Variants in DIP2C observed in about 807,000 individuals in gnomAD.
The protein encoded by DIP2C is DIP2 acetate--CoA ligase C (putative).
Under a neutral mutation model 192.4 loss-of-function variants are expected in DIP2C, and 33 were observed. That is an observed-to-expected ratio of 0.17 (90% CI 0.13 to 0.23). The LOEUF (loss-of-function observed/expected upper bound fraction) is 0.23. Ranked by LOEUF, DIP2C falls within the 10% of genes least tolerant of loss-of-function variation. The pLI, the probability that DIP2C is intolerant of heterozygous loss-of-function variation, is 1.00. For missense variants in DIP2C, 1,537 were observed against 2,110.1 expected, an observed-to-expected ratio of 0.73 and a Z score of 5.32; for synonymous variants, 979 against 864.1, an observed-to-expected ratio of 1.13 and a Z score of -2.33.
rs749305118 is a variant in DIP2C, at chr10:362,631, G to A, written c.2653C>T (p.Leu885Phe). 1 of 1,614,116 alleles carries A rather than the reference G, an allele frequency of 6.2e-7. No homozygotes were observed. The highest frequency in any genetic ancestry group is 1.7e-5 in the Admixed American group (1 of 60,006). ...ATCCCACCAAGCGGGGTTTTGGGGA[G>A]GGTGTTTGCTGGCACCAAGGCCAGG... ...YCLALVPANT[L>F]PKTPLGGIHL... The change falls in exon 22 of 37, where the codon CTC becomes TTC. Residue 885 changes from leucine to phenylalanine, a missense_variant. Coordinates refer to ENST00000280886, the MANE Select transcript of DIP2C (RefSeq NM_014974.3).
intron 4 of DIP2C, among the ~76,000 whole-genome samples, chr10:437,074 C>G (rs998855502): frequency 2.1e-5 from 3 of 143,776 alleles, no homozygotes; most frequent in African/African-American, 7.9e-5. Context: ...CCGCCCACAC[C>G]TGAGCTCTCT....
intron 4 of DIP2C, among the ~76,000 whole-genome samples, chr10:423,901 C>T (rs896835035): frequency 2.0e-5 from 3 of 152,212 alleles, no homozygotes; most frequent in South Asian, 2.1e-4. Context: ...TTCACCTTTA[C>T]AGTATTTGTT....
At chr10:365,577 CCAAA>C (rs929653180) in intron 19 of DIP2C, among the ~76,000 whole-genome samples, 1 of 152,134 alleles carries the variant, frequency 6.6e-6, no homozygotes, top group Non-Finnish European at 1.5e-5. Context: ...AAATGTATCC[CCAAA>C]CAATTTATAT....
At chr10:468,951 G>A (rs1374750660) in intron 3 of DIP2C, among the ~76,000 whole-genome samples, 3 of 152,202 alleles carry the variant, frequency 2.0e-5, no homozygotes, top group Non-Finnish European at 4.4e-5. Flanking sequence ...CCTATACACA[G>A]TAAGCTTGAT....
intron 7 of DIP2C, 146 bp from the exon 8 acceptor site, chr10:414,256 G>T (rs1213740223): frequency 4.9e-6 from 5 of 1,027,780 alleles, no homozygotes; most frequent in Non-Finnish European, 6.9e-6. Flanking sequence ...CTAGAATTGG[G>T]GTCTATACAC....
intron 4 of DIP2C, among the ~76,000 whole-genome samples, chr10:431,119 G>C (rs80038403): frequency 6.6e-6 from 1 of 152,092 alleles, no homozygotes; most frequent in South Asian, 2.1e-4. Flanking sequence ...CTGATTTATA[G>C]TAAGTCTTGA....
chr10:409,826 G>T (rs11252223), intron 8 of DIP2C, among the ~76,000 whole-genome samples: 54,364 of 152,042 alleles, frequency 0.36, 9,966 homozygotes, highest in South Asian at 0.46. Context: ...AATGGTAAAT[G>T]TAACAGTCTG....
chr10:367,274 G>A (rs903216487), intron 18 of DIP2C, among the ~76,000 whole-genome samples: 10 of 152,220 alleles, frequency 6.6e-5, no homozygotes, highest in South Asian at 2.1e-4. Flanking sequence ...AAAAGTAGCC[G>A]GGCGCAGTGG....
chr10:462,458 C>A (rs1421120351), intron 3 of DIP2C, among the ~76,000 whole-genome samples: 2 of 152,198 alleles, frequency 1.3e-5, no homozygotes, highest in Non-Finnish European at 2.9e-5. Context: ...CATACACCCT[C>A]TCAAGACTAA....
chr10:337,147 T>TGTGG, intron 29 of DIP2C, among the ~76,000 whole-genome samples: 3 of 111,720 alleles, frequency 2.7e-5, no homozygotes, highest in South Asian at 3.2e-4. Context: ...TGTGTGTGTG[T>TGTGG]TGTGGAGGCC....
intron 1 of DIP2C, among the ~76,000 whole-genome samples, chr10:616,893 T>A (rs1471472194): frequency 6.6e-6 from 1 of 152,156 alleles, no homozygotes; most frequent in East Asian, 1.9e-4. Context: ...CAGATTCAGA[T>A]AACAGGCCAG....
At chr10:417,770 GCA>G (rs1564685358) in intron 6 of DIP2C, among the ~76,000 whole-genome samples, 6 of 76,916 alleles carry the variant, frequency 7.8e-5, no homozygotes, top group Non-Finnish European at 8.6e-5. Context: ...CTGTCCACCT[GCA>G]CCTGTCAGGG....
chr10:326,776 A>T (rs1385606860), intron 31 of DIP2C, among the ~76,000 whole-genome samples: 1 of 152,184 alleles, frequency 6.6e-6, no homozygotes, highest in Non-Finnish European at 1.5e-5. Context: ...AAAAGTTAAA[A>T]TGTTCCAGGA....
At chr10:355,498 T>G (rs748666741) in intron 24 of DIP2C, among the ~76,000 whole-genome samples, 1 of 152,244 alleles carries the variant, frequency 6.6e-6, no homozygotes, top group Admixed American at 6.5e-5. Flanking sequence ...TTTTGAAGAG[T>G]TGCAAGTACC....
chr10:330,653 T>TG (rs912114059), intron 29 of DIP2C, among the ~76,000 whole-genome samples: 5 of 150,824 alleles, frequency 3.3e-5, no homozygotes. Context: ...CATGCTTGTT[T>TG]TTTTTTTTTT....
At chr10:565,711 C>T (rs1038580336) in intron 1 of DIP2C, among the ~76,000 whole-genome samples, 6 of 152,212 alleles carry the variant, frequency 3.9e-5, no homozygotes, top group African/African-American at 1.4e-4. Context: ...CAAACTCCTG[C>T]AGTTGCCCAA....
intron 4 of DIP2C, among the ~76,000 whole-genome samples, chr10:425,920 AAAC>A (rs1966569595): frequency 6.6e-6 from 1 of 152,362 alleles, no homozygotes; most frequent in Admixed American, 6.5e-5. Flanking sequence ...ATTTAATGGT[AAAC>A]AATAGAAGGC....
chr10:435,338 C>CCTATT (rs1967091567), intron 4 of DIP2C, among the ~76,000 whole-genome samples: 1 of 152,162 alleles, frequency 6.6e-6, no homozygotes, highest in African/African-American at 2.4e-5. Flanking sequence ...GAAAATGATT[C>CCTATT]CTATTCTCCG....
rs200029887 is a variant in DIP2C at position 419,346 on chromosome 10, C to CCA, written c.605-149_605-148dup. 7.1e-4 allele frequency: 783 copies of CCA among 1,109,824 alleles called. 2 individuals are homozygous for CCA. The African/African-American group carries it at 0.011, about 16-fold the overall frequency. The allele number at this position is 1,109,824 out of a possible 1,614,324, so 68.7% of individuals were successfully genotyped here. On this transcript the variant is annotated intron_variant, in intron 5 of 36. Transcript: ENST00000280886. ...CCAGAGCCGATCTCAGCCGCATCTGCCACACACATCCAGCACAAAGGGGGA... is the reference window on the plus strand; with the variant it reads ...CCAGAGCCGATCTCAGCCGCATCTGCCACACACACATCCAGCACAAAGGGGGA...
Sources: gnomAD v4.1 joint callset for allele counts (sites outside exome capture counted in the v4.1 genomes callset) on GRCh38, gnomAD v4.1.1 for gene constraint, MANE v1.5 for transcripts, NCBI Gene and HGNC (gene_info 2026-07-23, HGNC 2026-07-21) for gene names.